The following STK3 variants were observed in gnomAD, a reference collection of about 807,000 sequenced individuals.
The protein encoded by STK3 is serine/threonine-protein kinase 3.
Under a neutral mutation model 58.0 loss-of-function variants are expected in STK3, and 41 were observed. That is an observed-to-expected ratio of 0.71 (90% CI 0.55 to 0.92). The LOEUF (loss-of-function observed/expected upper bound fraction) is 0.92. Ranked by LOEUF, STK3 falls within the 40% of genes least tolerant of loss-of-function variation. The pLI is 0.00. For missense variants in STK3, 479 were observed against 602.7 expected (o/e 0.79, Z 2.15); for synonymous variants, 170 against 191.0 (o/e 0.89, Z 0.91).
At chr8:98,794,452 TCC>T (rs1318543642) in intron 1 of STK3, among the ~76,000 whole-genome samples, 1 of 152,026 alleles carries the variant, frequency 6.6e-6, no homozygotes, top group East Asian at 1.9e-4. Context: ...ACCCACAATC[TCC>T]CAAGATTGAA....
At chr8:98,659,417 C>T (rs2130777705) in intron 6 of STK3, among the ~76,000 whole-genome samples, 1 of 152,018 alleles carries the variant, frequency 6.6e-6, no homozygotes. Context: ...ACTCAGAAAC[C>T]AGTATCACAC....
chr8:98,639,110 CTT>C (rs200636934), intron 6 of STK3, among the ~76,000 whole-genome samples: 57 of 138,368 alleles, frequency 4.1e-4, no homozygotes, highest in Admixed American at 3.7e-4. Flanking sequence ...AGGAGATACA[CTT>C]TTTTTTTTTT....
chr8:98,525,038 T>A (rs1286223780), intron 10 of STK3, among the ~76,000 whole-genome samples: 1 of 152,220 alleles, frequency 6.6e-6, no homozygotes, highest in African/African-American at 2.4e-5. Flanking sequence ...TTGTAGCTCA[T>A]TTCAAAGTGT....
chr8:98,834,593 A>G (rs938088280), intron 3 of STK3, among the ~76,000 whole-genome samples: 1 of 152,218 alleles, frequency 6.6e-6, no homozygotes, highest in Non-Finnish European at 1.5e-5. Context: ...TGGCAGATTC[A>G]GTGTCTGGTG....
chr8:98,905,049 T>A, intron 1 of STK3: 1 of 975,864 alleles, frequency 1.0e-6, no homozygotes, highest in Admixed American at 1.7e-5. Flanking sequence ...GGATTCCCCA[T>A]AGCCCATGGT....
chr8:98,760,727 GT>G (rs1338163596), intron 3 of STK3, among the ~76,000 whole-genome samples: 2 of 132,806 alleles, frequency 1.5e-5, no homozygotes, highest in East Asian at 5.0e-4. Context: ...TTTTGAGGGG[GT>G]GGGGGGCTTC....
chr8:98,792,896 A>ACGTG (rs1554678152), intron 1 of STK3, among the ~76,000 whole-genome samples: 1 of 145,666 alleles, frequency 6.9e-6, no homozygotes, highest in African/African-American at 2.5e-5. Context: ...AAGAGACTGT[A>ACGTG]TGTGTGTGTG....
chr8:98,491,715 T>C (rs1447999200), intron 10 of STK3, among the ~76,000 whole-genome samples: 2 of 152,184 alleles, frequency 1.3e-5, no homozygotes, highest in South Asian at 2.1e-4. Flanking sequence ...CTAAAGGATA[T>C]GGGTTCATAG....
intron 1 of STK3, among the ~76,000 whole-genome samples, chr8:98,897,109 A>G (rs541808606): frequency 6.6e-6 from 1 of 152,318 alleles, no homozygotes; most frequent in African/African-American, 2.4e-5. Context: ...CCTGAAAACA[A>G]CATGGAACAC....
chr8:98,389,417 A>C (rs1817825577), upstream of STK3, among the ~76,000 whole-genome samples: 1 of 152,232 alleles, frequency 6.6e-6, no homozygotes, highest in East Asian at 1.9e-4. Flanking sequence ...CACAATGCTT[A>C]ATTACAAGAT....
intron 3 of STK3, chr8:98,429,523 G>A: frequency 1.3e-6 from 1 of 750,360 alleles, no homozygotes; most frequent in Non-Finnish European, 2.2e-6. Flanking sequence ...CAGCCCCTGA[G>A]GGGAGAGATG....
At chr8:98,921,116 T>C (rs1453031104) in intron 1 of STK3, 1 of 152,204 alleles carries the variant, frequency 6.6e-6, no homozygotes, top group Admixed American at 6.5e-5. Context: ...GTCATTAGTA[T>C]CTGGTGATGA....
At chr8:98,486,807 T>C (rs893715512) in intron 10 of STK3, among the ~76,000 whole-genome samples, 1 of 152,214 alleles carries the variant, frequency 6.6e-6, no homozygotes, top group Non-Finnish European at 1.5e-5. Context: ...AAGAATGTAA[T>C]GAGTTCCAGG....
chr8:98,676,203 G>C (rs1234831357), intron 6 of STK3, among the ~76,000 whole-genome samples: 1 of 152,246 alleles, frequency 6.6e-6, no homozygotes, highest in African/African-American at 2.4e-5. Flanking sequence ...CTTGAAGCTA[G>C]AGGAGAAAGT....
chr8:98,513,211 C>T (rs1824654265), intron 10 of STK3, among the ~76,000 whole-genome samples: 1 of 152,094 alleles, frequency 6.6e-6, no homozygotes, highest in South Asian at 2.1e-4. Context: ...AGCCACCAAC[C>T]AAATGGGGCC....
chr8:98,590,316 C>T (rs1815179522), intron 7 of STK3, among the ~76,000 whole-genome samples: 1 of 152,200 alleles, frequency 6.6e-6, no homozygotes, highest in Admixed American at 6.5e-5. Context: ...TGATGCCGTT[C>T]CTTTCTTCCA....
At chr8:98,878,554 ACT>A (rs916376797) in intron 3 of STK3, among the ~76,000 whole-genome samples, 5 of 151,812 alleles carry the variant, frequency 3.3e-5, no homozygotes, top group African/African-American at 4.8e-5. Flanking sequence ...TCACCCCGTC[ACT>A]CTCTTTAAAT....
At chr8:98,788,013 C>T (rs572816366) in intron 1 of STK3, among the ~76,000 whole-genome samples, 3 of 152,044 alleles carry the variant, frequency 2.0e-5, no homozygotes, top group Non-Finnish European at 4.4e-5. Context: ...ACCTACAAAA[C>T]AAAAATACAA....
intron 6 of STK3, among the ~76,000 whole-genome samples, chr8:98,607,543 A>G (rs1320412938): frequency 6.6e-6 from 1 of 152,242 alleles, no homozygotes; most frequent in African/African-American, 2.4e-5. Flanking sequence ...CTTTTTAGCA[A>G]ATCTTTTTAG....
Sources: gnomAD v4.1 joint callset for allele counts (sites outside exome capture counted in the v4.1 genomes callset) on GRCh38, gnomAD v4.1.1 for gene constraint, MANE v1.5 for transcripts, NCBI Gene and HGNC (gene_info 2026-07-23, HGNC 2026-07-21) for gene names.